DIP2C: variants seen among roughly 807,000 people sequenced by gnomAD.
DIP2C encodes the protein disco-interacting protein 2 homolog C.
A neutral mutation model predicts 192.4 loss-of-function variants in DIP2C; 33 were observed. That is an observed-to-expected ratio of 0.17 (90% confidence interval 0.13 to 0.23). DIP2C has a LOEUF of 0.23. Ranked by LOEUF, DIP2C falls within the 10% of genes least tolerant of loss-of-function variation. The pLI is 1.00. For missense variants in DIP2C, 1,537 were observed against 2,110.1 expected, an observed-to-expected ratio of 0.73 and a Z score of 5.32; for synonymous variants, 979 against 864.1, an observed-to-expected ratio of 1.13 and a Z score of -2.33.
intron 1 of DIP2C, among the ~76,000 whole-genome samples, chr10:635,597 G>A (rs934618676): frequency 3.9e-5 from 6 of 152,244 alleles, no homozygotes; most frequent in Non-Finnish European, 8.8e-5. Context: ...CTGCAGCTGC[G>A]GGGAAGCAGC....
At chr10:416,026 G>C in intron 6 of DIP2C, 138 bp from the exon 7 acceptor site, 1 of 1,330,470 alleles carries the variant, frequency 7.5e-7, no homozygotes, top group Non-Finnish European at 1.0e-6. Context: ...GGAAGGGCCC[G>C]AGGTGATCAT....
chr10:420,059 G>T (rs770590251), intron 5 of DIP2C, among the ~76,000 whole-genome samples: 1 of 152,174 alleles, frequency 6.6e-6, no homozygotes, highest in Admixed American at 6.5e-5. Context: ...CTCCTCTGAT[G>T]GAAGCTTTTC....
intron 1 of DIP2C, among the ~76,000 whole-genome samples, chr10:557,827 A>C (rs59483002): frequency 1.9e-3 from 72 of 37,640 alleles, no homozygotes; most frequent in African/African-American, 7.1e-3. Flanking sequence ...AGGGGGCAGG[A>C]AGGCAGGCAG....
chr10:486,371 C>G, intron 2 of DIP2C, 88 bp downstream of exon 2: 1 of 1,294,598 alleles, frequency 7.7e-7, no homozygotes, highest in Non-Finnish European at 1.0e-6. Flanking sequence ...GACTGGGAAG[C>G]AAGGGAGCGT....
At chr10:444,242 C>G (rs185747720) in intron 3 of DIP2C, among the ~76,000 whole-genome samples, 1 of 151,232 alleles carries the variant, frequency 6.6e-6, no homozygotes, top group East Asian at 2.0e-4. Flanking sequence ...GCATGGACTC[C>G]ACGCCATGGT....
intron 31 of DIP2C, among the ~76,000 whole-genome samples, chr10:320,591 C>T (rs1394082557): frequency 6.6e-6 from 1 of 151,766 alleles, no homozygotes; most frequent in African/African-American, 2.4e-5. Context: ...TGTGAGATGG[C>T]ACTGGACACT....
intron 32 of DIP2C, among the ~76,000 whole-genome samples, chr10:301,744 C>T (rs1032822320): frequency 6.6e-5 from 10 of 152,216 alleles, no homozygotes; most frequent in Non-Finnish European, 1.3e-4. Flanking sequence ...CGTCCTCGCC[C>T]GCTTGCAGGG....
chr10:461,344 T>A (rs1006587066), intron 3 of DIP2C, among the ~76,000 whole-genome samples: 1 of 152,004 alleles, frequency 6.6e-6, no homozygotes, highest in African/African-American at 2.4e-5. Flanking sequence ...AAATAAAGGA[T>A]GGAGGAATAT....
Position 510,662 on chromosome 10 carries a change from C to T in DIP2C, c.86-24132G>A, listed in dbSNP as rs182783121. Among the ~76,000 whole-genome samples, 12 of 152,354 alleles carry T rather than the reference C, an allele frequency of 7.9e-5. No homozygotes were observed. The East Asian group carries it at 1.5e-3, about 20-fold the overall frequency. On this transcript the variant is annotated intron_variant, in intron 1 of 36. Transcript: ENST00000280886. ...GAACAAAACTCTATTGCAGCACAGA[C>T]GGAAATCTAGAAGCAAAAGAAGCTG...
intron 17 of DIP2C, among the ~76,000 whole-genome samples, chr10:381,891 C>T (rs1348237290): frequency 1.3e-5 from 2 of 152,222 alleles, no homozygotes; most frequent in Admixed American, 1.3e-4. Flanking sequence ...CTTGCCACAC[C>T]TTCCCTCTGG....
In DIP2C at chr10:596,338, C is replaced by T. The variant is rs563778363; in HGVS notation, c.85+93156G>A. On this transcript the variant is annotated intron_variant, in intron 1 of 36. Coordinates refer to ENST00000280886, the MANE Select transcript of DIP2C (RefSeq NM_014974.3). ...CAGCCTGGCCAACATGGTGAAACCC[C>T]ATCTCTAACGAAAATTAGCCGGGCG... 2.1e-3 allele frequency among the ~76,000 whole-genome samples: 315 copies of T among 151,542 alleles called. 1 individual carries two copies. Among genetic ancestry groups the T allele is most frequent in the African/African-American group, 7.2e-3 (296 of 41,300 alleles).
At chr10:424,346 T>A (rs917456092) in intron 4 of DIP2C, among the ~76,000 whole-genome samples, 5 of 145,592 alleles carry the variant, frequency 3.4e-5, no homozygotes, top group Non-Finnish European at 7.5e-5. Flanking sequence ...AAATTCTCTA[T>A]CACCTTGGGT....
chr10:486,475 G>A lies in DIP2C; in HGVS notation c.141C>T (p.Tyr47=), dbSNP rs1474776868. 6.2e-7 allele frequency: 1 copy of A among 1,602,836 alleles called. No individual in the cohort carries two copies. Among genetic ancestry groups the A allele is most frequent in the East Asian group, 2.3e-5 (1 of 44,130 alleles). Residue 47 remains tyrosine, a synonymous_variant, in exon 2 of 37, where the codon TAC becomes TAT. Transcript: ENST00000280886. ...EKKRSKLIGA[Y]LPQPPRVDQA... ...GTTACCTACTCGGAGGCTGCGGAAG[G>A]TAGGCTCCAATTAACTTTGACCTCT...
At chr10:615,148 G>A (rs557209240) in intron 1 of DIP2C, among the ~76,000 whole-genome samples, 4 of 152,332 alleles carry the variant, frequency 2.6e-5, no homozygotes, top group African/African-American at 4.8e-5. Context: ...GACACTTCTC[G>A]GAGAGAGACA....
intron 1 of DIP2C, among the ~76,000 whole-genome samples, chr10:497,960 C>G (rs12761967): frequency 1.3e-5 from 2 of 152,176 alleles, no homozygotes; most frequent in African/African-American, 2.4e-5. Context: ...CAGCCTTGAC[C>G]TTCCAGGGCC....
chr10:674,810 A>AGAGAGG, intron 1 of DIP2C, among the ~76,000 whole-genome samples: 1 of 145,858 alleles, frequency 6.9e-6, no homozygotes, highest in Non-Finnish European at 1.5e-5. Flanking sequence ...AGAGAGAGAG[A>AGAGAGG]GAGAGAGAGA....
chr10:323,789 T>C (rs1957136000), intron 31 of DIP2C, among the ~76,000 whole-genome samples: 1 of 152,188 alleles, frequency 6.6e-6, no homozygotes. Flanking sequence ...GCTTTCCTTA[T>C]TAGGACTCAT....
intron 1 of DIP2C, among the ~76,000 whole-genome samples, chr10:530,673 AAG>A (rs1491082151): frequency 2.0e-5 from 3 of 147,724 alleles, no homozygotes; most frequent in South Asian, 2.1e-4. Flanking sequence ...AAAAAAAAAA[AAG>A]ACTGTTACTA....
At chr10:484,835 G>A (rs11252681) in intron 2 of DIP2C, 60,341 of 1,611,474 alleles carry the variant, frequency 0.037, 1,380 homozygotes, top group Non-Finnish European at 0.044. Context: ...ACCCGCTCCC[G>A]AGCCGCAGCT....
Sources: allele counts gnomAD v4.1 joint callset (sites outside exome capture counted in the v4.1 genomes callset), GRCh38; gene constraint gnomAD v4.1.1; transcripts MANE v1.5; gene names NCBI Gene and HGNC (gene_info 2026-07-23, HGNC 2026-07-21).